Variants in RADIL observed in about 807,000 individuals in gnomAD.
RADIL encodes the protein ras-associating and dilute domain-containing protein.
A neutral mutation model predicts 97.6 loss-of-function variants in RADIL; 99 were observed. The ratio of observed to expected loss-of-function variants is 1.01; its 90% CI spans 0.86 to 1.20. RADIL has a LOEUF of 1.20. Ranked by LOEUF, RADIL falls within the 50% of genes most tolerant of loss-of-function variation. RADIL has a pLI of 0.00. For synonymous variants in RADIL, 803 were observed against 691.8 expected (o/e 1.16, Z -2.52); for missense variants, 1,765 against 1,498.9 (o/e 1.18, Z -2.93).
At chr7:4,845,298 G>C (rs1373509270) in intron 2 of RADIL, among the ~76,000 whole-genome samples, 1 of 152,094 alleles carries the variant, frequency 6.6e-6, no homozygotes, top group Non-Finnish European at 1.5e-5. Context: ...ACACGTCTTA[G>C]TCCCAGCTAC....
At chr7:4,809,450 C>T in intron 9 of RADIL, 1 of 985,436 alleles carries the variant, frequency 1.0e-6, no homozygotes. Context: ...ATCTGACACG[C>T]ACAAGCCAAC....
chr7:4,869,418 C>T (rs1214884194), intron 2 of RADIL, among the ~76,000 whole-genome samples: 1 of 152,196 alleles, frequency 6.6e-6, no homozygotes, highest in African/African-American at 2.4e-5. Context: ...CAGGCGTGAG[C>T]CACAATGCCC....
rs1782767492 is a variant in RADIL, at chr7:4,819,383, C to T, written c.1616-2032G>A. On this transcript the variant is annotated intron_variant, in intron 6 of 14. Transcript: ENST00000399583. The surrounding 1 kb of genome is among the most constrained non-coding windows in gnomAD (Gnocchi z 5.8). Reference sequence around the variant, plus strand: ...CCAGCCCTGAGACTCCATTTCTAAACCCCCGGAGACGCCTCTCCCTGTGGT... The same window carrying T: ...CCAGCCCTGAGACTCCATTTCTAAATCCCCGGAGACGCCTCTCCCTGTGGT... Among the ~76,000 whole-genome samples, 2 of 152,078 alleles carry T rather than the reference C, an allele frequency of 1.3e-5. No individual in the cohort carries two copies. The highest frequency in any genetic ancestry group is 4.8e-5 in the African/African-American group (2 of 41,414).
intron 2 of RADIL, among the ~76,000 whole-genome samples, chr7:4,877,170 G>A (rs1784393817): frequency 6.6e-6 from 1 of 152,212 alleles, no homozygotes; most frequent in African/African-American, 2.4e-5. Flanking sequence ...GACAGCTGAG[G>A]TGAAAGTGGT....
chr7:4,811,877 C>CT (rs201294653), intron 9 of RADIL, among the ~76,000 whole-genome samples: 46 of 147,106 alleles, frequency 3.1e-4, no homozygotes, highest in South Asian at 6.5e-4. Flanking sequence ...AATTTAATTT[C>CT]TTTTTTTTTT....
intron 2 of RADIL, among the ~76,000 whole-genome samples, chr7:4,852,295 G>A (rs1232375500): frequency 6.6e-6 from 1 of 152,160 alleles, no homozygotes; most frequent in Non-Finnish European, 1.5e-5. Flanking sequence ...AGATCCCAGA[G>A]GGTGGCACCA....
intron 2 of RADIL, among the ~76,000 whole-genome samples, chr7:4,853,190 C>G (rs949477914): frequency 2.0e-5 from 3 of 152,134 alleles, no homozygotes; most frequent in Non-Finnish European, 4.4e-5. Context: ...CCCAGTGACC[C>G]CTGCTTTGCA....
At chr7:4,805,941 AC>A (rs1452415035) in intron 9 of RADIL, 2 of 985,088 alleles carry the variant, frequency 2.0e-6, no homozygotes, top group Non-Finnish European at 2.4e-6. Flanking sequence ...GCCATCGGGA[AC>A]CCCCTGCCCA....
chr7:4,811,622 G>T (rs1782551694), intron 9 of RADIL, among the ~76,000 whole-genome samples: 1 of 150,908 alleles, frequency 6.6e-6, no homozygotes, highest in Non-Finnish European at 1.5e-5. Flanking sequence ...CAAGTAGCTG[G>T]GACTACAGGC....
Position 4,801,898 on chromosome 7 carries a change from TCCGGGGCCACTTC to T in RADIL, c.2584_2596del (p.Glu862SerfsTer6). ...AGCCCCCCTCAAGGGAAGAGTACGCTCCGGGGCCACTTCCCGGGCTGCTGGGCCAGGGTCCCTG... is the reference window on the plus strand; with the variant it reads ...AGCCCCCCTCAAGGGAAGAGTACGCTCCGGGCTGCTGGGCCAGGGTCCCTG... On this transcript the variant is annotated frameshift_variant, in exon 12 of 15. Transcript: ENST00000399583. LOFTEE classifies it high-confidence loss of function. 1 of 1,574,788 alleles carries T rather than the reference TCCGGGGCCACTTC, an allele frequency of 6.4e-7. No individual in the cohort carries two copies. Among genetic ancestry groups the T allele is most frequent in the Non-Finnish European group, 8.6e-7 (1 of 1,161,080 alleles).
chr7:4,815,249 C>T lies in RADIL; in HGVS notation c.2139+29G>A, dbSNP rs1302127634. 1 of 1,505,558 alleles carries T rather than the reference C, an allele frequency of 6.6e-7. No homozygotes were observed. Among genetic ancestry groups the T allele is most frequent in the Non-Finnish European group, 8.9e-7 (1 of 1,121,828 alleles). The allele number at this position is 1,505,558 out of a possible 1,614,324, so 93.3% of individuals were successfully genotyped here. ...CAGCATGTGGCCCCGCCCCTCCCCA[C>T]ACTCGCCGCCTCCCATGCGCACCCC... On this transcript the variant is annotated intron_variant, in intron 9 of 14. Transcript: ENST00000399583. This position sits in a 1 kb window ranked among gnomAD's most constrained non-coding sequence, Gnocchi z 8.0.
chr7:4,829,114 C>T (rs1237060414), intron 5 of RADIL, among the ~76,000 whole-genome samples: 1 of 152,112 alleles, frequency 6.6e-6, no homozygotes, highest in Non-Finnish European at 1.5e-5. Context: ...CCCATGCAAA[C>T]TTCTCCTCAA....
chr7:4,871,435 T>G (rs988813237), intron 2 of RADIL, among the ~76,000 whole-genome samples: 1 of 152,220 alleles, frequency 6.6e-6, no homozygotes, highest in Non-Finnish European at 1.5e-5. Flanking sequence ...CGCACACCCC[T>G]GGCTGTCATC....
Position 4,803,714 on chromosome 7 carries a change from G to A in RADIL, c.2331C>T (p.Val777=). ...LESYENPPPI[V]LPSDGFQVDL... is the part of the protein sequence containing the mutation. Reference sequence around the variant, plus strand: ...CCACCTGGAAGCCGTCGCTGGGCAGGACGATGGGTGGGGGGTTTTCGTAGG... The same window carrying A: ...CCACCTGGAAGCCGTCGCTGGGCAGAACGATGGGTGGGGGGTTTTCGTAGG... Residue 777 remains valine (V), a synonymous_variant, in exon 11 of 15, where the codon GTC becomes GTT. Transcript: ENST00000399583. 6.4e-7 allele frequency: 1 copy of A among 1,567,882 alleles called. No individual in the cohort carries two copies. Among genetic ancestry groups the A allele is most frequent in the Non-Finnish European group, 8.6e-7 (1 of 1,157,096 alleles).
intron 9 of RADIL, chr7:4,809,756 C>T: frequency 4.1e-6 from 2 of 484,422 alleles, no homozygotes; most frequent in Non-Finnish European, 5.4e-6. Context: ...GATCTCGGCT[C>T]ACTGCAACCT....
At chr7:4,863,485 T>C (rs56026529) in intron 2 of RADIL, among the ~76,000 whole-genome samples, 13,632 of 152,192 alleles carry the variant, frequency 0.09, 684 homozygotes, top group South Asian at 0.14. Context: ...AGACGCTGTG[T>C]CCTTCCAAAG....
At chr7:4,832,086 T>G in intron 5 of RADIL, 55 bp downstream of exon 5, 1 of 1,588,994 alleles carries the variant, frequency 6.3e-7, no homozygotes, top group Non-Finnish European at 8.6e-7. Context: ...CCGGGAAGTG[T>G]GAGCCCCCAG....
In RADIL at chr7:4,816,375, C is replaced by T. The variant is rs866032986; in HGVS notation, c.1819G>A (p.Glu607Lys). ...ESWSSAPELP[E>K]ELRRVVSVYQ... ...ACAGACACCACGCGGCGCAGCTCCT[C>T]GGGCAGTTCGGGGGCCGAGGACCAG... Residue 607 changes from glutamate to lysine, a missense_variant, in exon 8 of 15, where the codon GAG becomes AAG. Physicochemically the swap from Glu to Lys is moderately conservative, Grantham distance 56. Coordinates refer to ENST00000399583, the MANE Select transcript of RADIL (RefSeq NM_018059.5). The T allele has an allele frequency of 1.1e-5, 18 of 1,610,056 alleles. No individual in the cohort carries two copies. Among genetic ancestry groups the T allele is most frequent in the Middle Eastern group, 1.7e-4 (1 of 5,958 alleles).
chr7:4,868,896 G>A (rs1326071731), intron 2 of RADIL, among the ~76,000 whole-genome samples: 3 of 152,184 alleles, frequency 2.0e-5, no homozygotes, highest in Non-Finnish European at 4.4e-5. Context: ...GGAGGCCAAG[G>A]CAGGCAGATC....
Sources: gnomAD v4.1 joint callset for allele counts (sites outside exome capture counted in the v4.1 genomes callset) on GRCh38, gnomAD v4.1.1 for gene constraint, Gnocchi (gnomAD v3.1) non-coding constraint, MANE v1.5 for transcripts, NCBI Gene and HGNC (gene_info 2026-07-23, HGNC 2026-07-21) for gene names.